Variants in ATP2B4 observed in about 807,000 individuals in gnomAD.
The protein encoded by ATP2B4 is plasma membrane calcium-transporting ATPase 4.
A neutral mutation model predicts 110.3 loss-of-function variants in ATP2B4; 39 were observed. The ratio of observed to expected loss-of-function variants is 0.35; its 90% confidence interval spans 0.27 to 0.46. The LOEUF (loss-of-function observed/expected upper bound fraction) is 0.46, where lower values mean the gene tolerates loss of function less well. Ranked by LOEUF, ATP2B4 falls within the 20% of genes least tolerant of loss-of-function variation. ATP2B4 has a pLI of 1.00. For synonymous variants in ATP2B4, 538 were observed against 571.7 expected, an observed-to-expected ratio of 0.94 and a Z score of 0.84; for missense variants, 1,135 against 1,530.9, an observed-to-expected ratio of 0.74 and a Z score of 4.32.
chr1:203,740,626 T>A lies in ATP2B4; in HGVS notation c.*772T>A, dbSNP rs768454891. 2 of 152,226 alleles carry A rather than the reference T, an allele frequency of 1.3e-5. No homozygotes were observed. Among genetic ancestry groups the A allele is most frequent in the African/African-American group, 2.4e-5 (1 of 41,464 alleles). The allele number at this position is 152,226 out of a possible 1,614,324, so 9.4% of individuals were successfully genotyped here. A position where few individuals can be genotyped will look rare whatever the true frequency, so the allele number is the denominator to read the frequency against. ...TGCTGGTAAGAATATTTCTCTGTTG[T>A]TGCCAGGTTACCTTCTGCTTTTAAA... On this transcript the variant is annotated 3_prime_UTR_variant, in exon 21 of 21. Coordinates refer to ENST00000357681, the MANE Select transcript of ATP2B4 (RefSeq NM_001684.5).
chr1:203,721,904 G>T lies in ATP2B4; in HGVS notation c.2812+494G>T, dbSNP rs569346855. The stretch of plus-strand genomic sequence containing the variant: ...GCTCGATCTCCTGACCTTGTGATCT[G>T]CCCACCTCAGCCCCCCAGAGTGCTG... On this transcript the variant is annotated intron_variant, in intron 17 of 20. Transcript: ENST00000357681. Among the ~76,000 whole-genome samples, 38 of 151,812 alleles carry T rather than the reference G, an allele frequency of 2.5e-4. No individual in the cohort carries two copies. In the East Asian group the frequency reaches 7.0e-3, roughly 28 times the overall value.
chr1:203,699,632 A>G lies in ATP2B4; in HGVS notation c.564A>G (p.Gln188=), dbSNP rs1159470168. The change falls in exon 4 of 21, where the codon CAA becomes CAG. Residue 188 remains glutamine, a synonymous_variant. Transcript: ENST00000357681. The stretch of plus-strand genomic sequence containing the variant: ...TGCAGTGCCGCATTGAACAGGAGCA[A>G]AAGTTCTCCATCATCCGAAACGGTC... ...RGLQCRIEQE[Q]KFSIIRNGQL... 5.0e-6 allele frequency: 8 copies of G among 1,614,164 alleles called. No homozygotes were observed. Among genetic ancestry groups the G allele is most frequent in the South Asian group, 1.1e-5 (1 of 91,074 alleles).
chr1:203,630,512 A>C (rs562129523), intron 1 of ATP2B4, among the ~76,000 whole-genome samples: 53 of 152,072 alleles, frequency 3.5e-4, no homozygotes, highest in African/African-American at 1.2e-3. Flanking sequence ...TAGTCCCCAG[A>C]ATGACCAAGA....
intron 1 of ATP2B4, 40 bp downstream of exon 1, chr1:203,627,259 C>G (rs1663117341): frequency 6.6e-6 from 1 of 152,226 alleles, no homozygotes; most frequent in Non-Finnish European, 1.5e-5. Context: ...GATTTGCAAA[C>G]TTTGTTTCTT....
chr1:203,628,685 G>T (rs1663165136), intron 1 of ATP2B4, among the ~76,000 whole-genome samples: 2 of 152,114 alleles, frequency 1.3e-5, no homozygotes, highest in African/African-American at 2.4e-5. Context: ...CCCATTGGAG[G>T]CCCTACTACG....
rs549436816 is a variant in ATP2B4, at chr1:203,633,893, A to G, written c.-465+6674A>G. ...TGGAGAAACCCCGTCTCTACTAAAA[A>G]TACAAAATTAGCCGGGCGTGGTAGT... is the stretch of plus-strand genomic sequence containing the variant. On this transcript the variant is annotated intron_variant, in intron 1 of 20. Transcript: ENST00000357681. Among the ~76,000 whole-genome samples the G allele has an allele frequency of 4.6e-5, 7 of 152,230 alleles. No individual in the cohort carries two copies. The East Asian group carries it at 1.2e-3, about 25-fold the overall frequency.
intron 17 of ATP2B4, among the ~76,000 whole-genome samples, chr1:203,722,081 C>T (rs1273202391): frequency 6.6e-6 from 1 of 152,128 alleles, no homozygotes; most frequent in Non-Finnish European, 1.5e-5. Flanking sequence ...TACCATGCTG[C>T]ACTACATGAG....
At position 203,659,226 on chromosome 1, in the gene ATP2B4, TA is replaced by T. The variant is rs375531992; in HGVS notation, c.-464-23507del. Among the ~76,000 whole-genome samples, 195 of 151,826 alleles carry T rather than the reference TA, an allele frequency of 1.3e-3. 3 individuals are homozygous for T. The East Asian group carries it at 0.031, about 24-fold the overall frequency. On this transcript the variant is annotated intron_variant, in intron 1 of 20. Coordinates refer to ENST00000357681, the MANE Select transcript of ATP2B4 (RefSeq NM_001684.5). ...TGAAAATGATAGAAAATGTGTCAGT[TA>T]AAAAAAAATTTATGGTTGTGATATC...
chr1:203,706,725 C>G (rs1665859430), intron 8 of ATP2B4, among the ~76,000 whole-genome samples: 1 of 152,168 alleles, frequency 6.6e-6, no homozygotes, highest in South Asian at 2.1e-4. Context: ...GGAATTTGAT[C>G]TAGGAAACAG....
Position 203,713,220 on chromosome 1 carries a change from C to T in ATP2B4, c.2267C>T (p.Ser756Phe). 6.2e-7 allele frequency: 1 copy of T among 1,614,152 alleles called. No homozygotes were observed. Among genetic ancestry groups the T allele is most frequent in the Non-Finnish European group, 8.5e-7 (1 of 1,180,026 alleles). The change falls in exon 14 of 21, where the codon TCT becomes TTT. Residue 756 changes from serine to phenylalanine, a missense_variant. Physicochemically the swap from Ser to Phe is radical, Grantham distance 155. This residue lies in a region of ATP2B4 where 368 missense variants were observed against 455.9 expected (regional missense o/e 0.81). Coordinates refer to ENST00000357681, the MANE Select transcript of ATP2B4 (RefSeq NM_001684.5). The stretch of plus-strand genomic sequence containing the variant: ...CCTAAGCTTCGGGTCCTGGCGCGAT[C>T]TTCTCCCACTGACAAGCACACCCTG... ...IWPKLRVLAR[S>F]SPTDKHTLVK...
chr1:203,739,849 GTTTGAATTTT>G lies in ATP2B4; in HGVS notation c.3614_*5del, dbSNP rs1256163904. ...CTCTCTACAGAGCCTAGAGACATCA[GTTTGAATTTT>G]CTTTCTCTGACTCTCATCCCTATTT... On this transcript the variant is annotated stop_lost and 3_prime_UTR_variant, in exon 21 of 21. Transcript: ENST00000357681. The G allele has an allele frequency of 6.2e-7, 1 of 1,603,366 alleles. No homozygotes were observed.
chr1:203,730,557 A>G (rs1666674915), intron 20 of ATP2B4, among the ~76,000 whole-genome samples: 1 of 152,100 alleles, frequency 6.6e-6, no homozygotes, highest in Admixed American at 6.5e-5. Flanking sequence ...CACTTCTACT[A>G]TGTGATTTCT....
intron 1 of ATP2B4, among the ~76,000 whole-genome samples, chr1:203,646,991 T>G (rs1023926827): frequency 1.1e-4 from 16 of 152,154 alleles, no homozygotes; most frequent in Admixed American, 5.2e-4. Flanking sequence ...TAATAAGATT[T>G]TGATTTAATT....
intron 19 of ATP2B4, 143 bp downstream of exon 19, chr1:203,724,131 T>G (rs1666432628): frequency 1.6e-6 from 1 of 644,744 alleles, no homozygotes; most frequent in Non-Finnish European, 2.5e-6. Context: ...CCACTCAAGT[T>G]TTCAAGTTCT....
At chr1:203,706,149 G>A (rs914871763) in intron 8 of ATP2B4, among the ~76,000 whole-genome samples, 1 of 152,116 alleles carries the variant, frequency 6.6e-6, no homozygotes, top group Non-Finnish European at 1.5e-5. Context: ...TAAGCCAGTC[G>A]GTTTTGACCT....
chr1:203,672,647 G>A (rs1008533635), intron 1 of ATP2B4, among the ~76,000 whole-genome samples: 4 of 152,214 alleles, frequency 2.6e-5, no homozygotes, highest in African/African-American at 4.8e-5. Flanking sequence ...GCAGGGGAAC[G>A]GCAGCCTGGG....
At chr1:203,726,890 C>G (rs866802274) in intron 19 of ATP2B4, among the ~76,000 whole-genome samples, 2 of 152,296 alleles carry the variant, frequency 1.3e-5, no homozygotes, top group South Asian at 4.1e-4. Flanking sequence ...GTTTGTAACA[C>G]AGAAACTACT....
intron 1 of ATP2B4, among the ~76,000 whole-genome samples, chr1:203,641,208 G>C (rs138380590): frequency 1.3e-5 from 2 of 152,176 alleles, no homozygotes; most frequent in East Asian, 3.8e-4. Context: ...CAGGCAGTAG[G>C]TTCCATCTGT....
chr1:203,724,873 T>TG (rs1666459714), intron 19 of ATP2B4, among the ~76,000 whole-genome samples: 2 of 140,690 alleles, frequency 1.4e-5, no homozygotes, highest in African/African-American at 5.3e-5. Flanking sequence ...CTCTGTTTTT[T>TG]TTTTTTTTTT....
Sources: allele counts gnomAD v4.1 joint callset (sites outside exome capture counted in the v4.1 genomes callset), GRCh38; gene constraint gnomAD v4.1.1; regional missense constraint gnomAD v4.1.1; transcripts MANE v1.5; gene names NCBI Gene and HGNC (gene_info 2026-07-23, HGNC 2026-07-21).